The following CLSTN2 variants were observed in gnomAD, a reference collection of about 807,000 sequenced individuals.
CLSTN2 encodes calsyntenin-2.
In CLSTN2, 48 loss-of-function variants were observed where a neutral mutation model predicts 101.2. The observed-to-expected ratio is 0.47, with a 90% CI of 0.38 to 0.60. CLSTN2 has a LOEUF of 0.60. CLSTN2 is among the 20% of genes least tolerant of loss of function. The pLI, the probability that CLSTN2 is intolerant of heterozygous loss-of-function variation, is 0.00. For synonymous variants in CLSTN2, 481 were observed against 463.6 expected (o/e 1.04, Z -0.48); for missense variants, 1,160 against 1,238.2 (o/e 0.94, Z 0.95).
chr3:140,465,587 G>A (rs912034625), intron 7 of CLSTN2, among the ~76,000 whole-genome samples: 21 of 152,148 alleles, frequency 1.4e-4, no homozygotes, highest in African/African-American at 5.1e-4. Flanking sequence ...AAATGTAATT[G>A]GTATTGATTC....
chr3:140,275,098 A>C lies in CLSTN2; in HGVS notation c.232+99025A>C, dbSNP rs566542745. Among the ~76,000 whole-genome samples, 17 of 152,284 alleles carry C rather than the reference A, an allele frequency of 1.1e-4. No homozygotes were observed. In the South Asian group the frequency reaches 3.3e-3, roughly 30 times the overall value. On this transcript the variant is annotated intron_variant, in intron 2 of 16. Coordinates refer to ENST00000458420, the MANE Select transcript of CLSTN2 (RefSeq NM_022131.3). ...TGACTGTCCAGTGAAGAAGCATGGA[A>C]ATCCAGTTTCCTAGCCTCAGATCGG...
At chr3:140,056,583 G>C (rs1203132872) in intron 1 of CLSTN2, among the ~76,000 whole-genome samples, 1 of 152,164 alleles carries the variant, frequency 6.6e-6, no homozygotes, top group Non-Finnish European at 1.5e-5. Flanking sequence ...TGAACTGAAG[G>C]ATAGGGAGCA....
chr3:140,451,315 A>T (rs1043536876), intron 6 of CLSTN2, among the ~76,000 whole-genome samples: 1 of 152,236 alleles, frequency 6.6e-6, no homozygotes, highest in African/African-American at 2.4e-5. Flanking sequence ...ACAAAATTGC[A>T]TCTCATATGT....
intron 2 of CLSTN2, among the ~76,000 whole-genome samples, chr3:140,210,275 A>G (rs1269794949): frequency 1.3e-5 from 2 of 152,214 alleles, no homozygotes. Context: ...TATGCTTACT[A>G]AAACCAATTC....
intron 2 of CLSTN2, among the ~76,000 whole-genome samples, chr3:140,253,109 T>C (rs987639023): frequency 1.3e-5 from 2 of 152,004 alleles, no homozygotes; most frequent in Admixed American, 6.5e-5. Context: ...GTAGACCAGG[T>C]ACACCAGGCA....
intron 1 of CLSTN2, among the ~76,000 whole-genome samples, chr3:139,963,332 T>A (rs574148964): frequency 6.6e-6 from 1 of 151,736 alleles, no homozygotes; most frequent in Non-Finnish European, 1.5e-5. Flanking sequence ...TTCAGCTTTT[T>A]TCTCTCTCTC....
chr3:140,071,688 G>A (rs1047927877), intron 1 of CLSTN2, among the ~76,000 whole-genome samples: 78 of 152,128 alleles, frequency 5.1e-4, no homozygotes, highest in African/African-American at 1.8e-3. Flanking sequence ...AAAATTAGCC[G>A]GGCGTGGTGG....
rs562191514 is a variant in CLSTN2, at chr3:140,513,568, T to G, written c.1345-18756T>G. ...CATCAAGGATACTGACCTGAAGCTTTCTTTTTTTTTCTTTCTTTTTTTTTT... is the reference window on the plus strand; with the variant it reads ...CATCAAGGATACTGACCTGAAGCTTGCTTTTTTTTTCTTTCTTTTTTTTTT... On this transcript the variant is annotated intron_variant, in intron 8 of 16. Transcript: ENST00000458420. Among the ~76,000 whole-genome samples, 4 of 132,566 alleles carry G rather than the reference T, an allele frequency of 3.0e-5. No individual in the cohort carries two copies. In the East Asian group the frequency reaches 8.9e-4, roughly 29 times the overall value. 87.0% of individuals were successfully genotyped at this position (132,566 alleles called of 152,430 possible).
At chr3:140,475,793 C>T (rs1478654042) in intron 8 of CLSTN2, among the ~76,000 whole-genome samples, 1 of 152,170 alleles carries the variant, frequency 6.6e-6, no homozygotes, top group Non-Finnish European at 1.5e-5. Context: ...TGTACATCTG[C>T]CCAGAGGCAA....
At chr3:140,448,978 G>A (rs769531433) in intron 6 of CLSTN2, among the ~76,000 whole-genome samples, 1 of 152,134 alleles carries the variant, frequency 6.6e-6, no homozygotes, top group South Asian at 2.1e-4. Flanking sequence ...GGTAAAACGG[G>A]AATTAAATGG....
At chr3:140,160,071 T>G (rs2010021467) in intron 1 of CLSTN2, among the ~76,000 whole-genome samples, 1 of 152,050 alleles carries the variant, frequency 6.6e-6, no homozygotes, top group Non-Finnish European at 1.5e-5. Context: ...CTGTGTTCAC[T>G]AACTCGGTGG....
At chr3:139,971,092 G>C (rs1691838021) in intron 1 of CLSTN2, among the ~76,000 whole-genome samples, 1 of 152,176 alleles carries the variant, frequency 6.6e-6, no homozygotes, top group African/African-American at 2.4e-5. Flanking sequence ...AGTCTGAATA[G>C]CTATTAGTAG....
intron 4 of CLSTN2, among the ~76,000 whole-genome samples, chr3:140,418,779 G>A (rs988934443): frequency 1.3e-5 from 2 of 152,054 alleles, no homozygotes; most frequent in Non-Finnish European, 2.9e-5. Context: ...GCCTCCCAAA[G>A]TGCTGGGATT....
intron 2 of CLSTN2, among the ~76,000 whole-genome samples, chr3:140,232,483 G>T (rs1355508679): frequency 1.3e-5 from 2 of 150,588 alleles, no homozygotes; most frequent in Non-Finnish European, 2.9e-5. Context: ...CTTTCCCTAT[G>T]CATTCTCTTT....
rs147563793 is a variant in CLSTN2 at position 140,209,976 on chromosome 3, G to A, written c.232+33903G>A. Among the ~76,000 whole-genome samples, 727 of 152,146 alleles carry A rather than the reference G, an allele frequency of 4.8e-3. 4 individuals carry two copies. Among genetic ancestry groups the A allele is most frequent in the African/African-American group, 0.016 (675 of 41,504 alleles). ...TTCACTCCCTTGCTCATATTTATTG[G>A]GCTCCTGCCATGTACTAAATGCTGA... On this transcript the variant is annotated intron_variant, in intron 2 of 16. Coordinates refer to ENST00000458420, the MANE Select transcript of CLSTN2 (RefSeq NM_022131.3).
chr3:140,342,897 T>A (rs1048633025), intron 2 of CLSTN2, among the ~76,000 whole-genome samples: 2 of 152,148 alleles, frequency 1.3e-5, no homozygotes, highest in Admixed American at 1.3e-4. Context: ...TTACATGGTG[T>A]CTCAGGGCCC....
intron 2 of CLSTN2, among the ~76,000 whole-genome samples, chr3:140,259,595 T>G (rs2086632848): frequency 1.3e-5 from 2 of 152,198 alleles, no homozygotes; most frequent in Non-Finnish European, 1.5e-5. Context: ...ACCTATATCC[T>G]GAAAAGTTTT....
intron 1 of CLSTN2, among the ~76,000 whole-genome samples, chr3:140,063,994 C>T (rs1031564048): frequency 5.3e-5 from 8 of 152,164 alleles, no homozygotes; most frequent in Non-Finnish European, 7.4e-5. Flanking sequence ...CTGCCAGGGC[C>T]TTTGCTTCTG....
rs539615273 is a variant in CLSTN2 at position 140,041,749 on chromosome 3, A to G, written c.109+106266A>G. ...AGGCATATCTGTGTCATTGTGGACC[A>G]TGAGTGTCGTTGCTTCTCTCAACCC... On this transcript the variant is annotated intron_variant, in intron 1 of 16. Transcript: ENST00000458420. Among the ~76,000 whole-genome samples the G allele has an allele frequency of 6.0e-4, 91 of 152,196 alleles. 1 individual carries two copies. The highest frequency in any genetic ancestry group is 1.1e-3 in the Non-Finnish European group (76 of 68,038).
Sources: gnomAD v4.1 joint callset for allele counts (sites outside exome capture counted in the v4.1 genomes callset) on GRCh38, gnomAD v4.1.1 for gene constraint, MANE v1.5 for transcripts, NCBI Gene and HGNC (gene_info 2026-07-23, HGNC 2026-07-21) for gene names.